Variants in FGGY observed in about 807,000 individuals in gnomAD.
The protein encoded by FGGY is FGGY carbohydrate kinase domain containing.
A neutral mutation model predicts 71.3 loss-of-function variants in FGGY; 72 were observed. The observed-to-expected ratio is 1.01, with a 90% CI of 0.84 to 1.23. FGGY has a LOEUF of 1.23. Ranked by LOEUF, FGGY falls within the 50% of genes most tolerant of loss-of-function variation. FGGY has a pLI of 0.00. For synonymous variants in FGGY, 251 were observed against 250.3 expected (o/e 1.00, Z -0.02); for missense variants, 668 against 682.3 (o/e 0.98, Z 0.23).
chr1:59,366,518 A>G (rs141665615), intron 4 of FGGY, among the ~76,000 whole-genome samples: 124 of 152,296 alleles, frequency 8.1e-4, no homozygotes, highest in African/African-American at 2.9e-3. Flanking sequence ...AGGCAGATAT[A>G]TGGCCACACA....
chr1:59,701,234 T>G (rs947192644), intron 14 of FGGY, among the ~76,000 whole-genome samples: 3 of 152,152 alleles, frequency 2.0e-5, no homozygotes, highest in African/African-American at 7.2e-5. Flanking sequence ...TCAGTTAAGA[T>G]GAACATAAGG....
rs77259554 is a variant in FGGY, at chr1:59,405,777, T to A, written c.554+26940T>A. ...CTTGGTTGGTTGGCTAGAGGAGTGGTAGAAATTTGGTGTGGGAAACACTTT... is the reference window on the plus strand; with the variant it reads ...CTTGGTTGGTTGGCTAGAGGAGTGGAAGAAATTTGGTGTGGGAAACACTTT... On this transcript the variant is annotated intron_variant, in intron 5 of 15. Transcript: ENST00000303721. Among the ~76,000 whole-genome samples, 289 of 152,170 alleles carry A rather than the reference T, an allele frequency of 1.9e-3. 5 individuals are homozygous for A. The East Asian group carries it at 0.053, about 28-fold the overall frequency.
At chr1:59,437,701 A>G (rs1572144484) in intron 5 of FGGY, among the ~76,000 whole-genome samples, 1 of 152,228 alleles carries the variant, frequency 6.6e-6, no homozygotes, top group African/African-American at 2.4e-5. Flanking sequence ...AAGGGGATAT[A>G]TATTTAACTT....
intron 9 of FGGY, among the ~76,000 whole-genome samples, chr1:59,622,349 T>C (rs779447451): frequency 1.3e-5 from 2 of 152,118 alleles, no homozygotes; most frequent in Non-Finnish European, 2.9e-5. Context: ...TTCCTGTTCC[T>C]CAATATGTAT....
At chr1:59,732,235 A>C (rs1297121596) in intron 14 of FGGY, among the ~76,000 whole-genome samples, 1 of 152,070 alleles carries the variant, frequency 6.6e-6, no homozygotes, top group Non-Finnish European at 1.5e-5. Context: ...AGCTCTTTAA[A>C]TTCTCTCCCC....
At chr1:59,641,064 A>G (rs377763847) in intron 11 of FGGY, among the ~76,000 whole-genome samples, 1 of 150,808 alleles carries the variant, frequency 6.6e-6, no homozygotes, top group East Asian at 1.9e-4. Context: ...GCGGTCAGGA[A>G]AGCTCCAGAC....
intron 1 of FGGY, among the ~76,000 whole-genome samples, chr1:59,304,008 G>A (rs1189988766): frequency 6.6e-6 from 1 of 151,948 alleles, no homozygotes; most frequent in Non-Finnish European, 1.5e-5. Flanking sequence ...TGGGATATAT[G>A]ATTTGTAAAT....
chr1:59,690,924 G>C (rs968195220), intron 14 of FGGY, among the ~76,000 whole-genome samples: 13 of 152,332 alleles, frequency 8.5e-5, no homozygotes, highest in South Asian at 2.1e-4. Context: ...ATTTTTCAAA[G>C]ACTGACTCCC....
chr1:59,477,703 T>C (rs550827219), intron 6 of FGGY, among the ~76,000 whole-genome samples: 9 of 152,260 alleles, frequency 5.9e-5, no homozygotes, highest in African/African-American at 1.9e-4. Context: ...ACTGTAATTT[T>C]CCCCCCACTG....
intron 6 of FGGY, among the ~76,000 whole-genome samples, chr1:59,486,988 A>T (rs1238752747): frequency 1.3e-5 from 2 of 152,212 alleles, no homozygotes; most frequent in African/African-American, 2.4e-5. Context: ...TCTAGGTTAC[A>T]TGTAGCCAAG....
At chr1:59,549,691 T>C (rs552857845) in intron 7 of FGGY, among the ~76,000 whole-genome samples, 6 of 152,368 alleles carry the variant, frequency 3.9e-5, no homozygotes, top group African/African-American at 1.4e-4. Flanking sequence ...TTTTCTTCTA[T>C]ATAACCTTGT....
intron 7 of FGGY, among the ~76,000 whole-genome samples, chr1:59,526,385 T>C (rs997997264): frequency 2.6e-5 from 4 of 152,192 alleles, no homozygotes; most frequent in Non-Finnish European, 5.9e-5. Context: ...TCAGCAAATA[T>C]ATGTTGAGCA....
chr1:59,391,748 A>G (rs1463479248), intron 5 of FGGY, among the ~76,000 whole-genome samples: 2 of 152,220 alleles, frequency 1.3e-5, no homozygotes, highest in Non-Finnish European at 2.9e-5. Context: ...GATCTCTAGC[A>G]TGACTGTCAT....
intron 4 of FGGY, among the ~76,000 whole-genome samples, chr1:59,374,659 G>A (rs1312086279): frequency 6.6e-6 from 1 of 152,014 alleles, no homozygotes; most frequent in African/African-American, 2.4e-5. Context: ...CAACCCAAAT[G>A]TCCAACAATG....
Position 59,317,562 on chromosome 1 carries a change from C to T in FGGY, c.-14-3974C>T, listed in dbSNP as rs142930987. Among the ~76,000 whole-genome samples the T allele has an allele frequency of 1.6e-3, 240 of 152,242 alleles. 1 individual carries two copies. Among genetic ancestry groups the T allele is most frequent in the African/African-American group, 5.4e-3 (225 of 41,540 alleles). ...GTTGCATAAGATTAGGAGTCTAGGA[C>T]GCAGCAGATCATATTCATGACCCAG... On this transcript the variant is annotated intron_variant, in intron 1 of 15. Transcript: ENST00000303721.
At chr1:59,481,166 G>T (rs1558074593) in intron 6 of FGGY, among the ~76,000 whole-genome samples, 1 of 152,180 alleles carries the variant, frequency 6.6e-6, no homozygotes, top group African/African-American at 2.4e-5. Flanking sequence ...TCAGGGAACT[G>T]TTAAAACATT....
chr1:59,395,678 T>TGG (rs1408370991), intron 5 of FGGY, among the ~76,000 whole-genome samples: 1 of 152,194 alleles, frequency 6.6e-6, no homozygotes, highest in Admixed American at 6.5e-5. Context: ...TTTAGATACA[T>TGG]TAACCCCTTC....
intron 8 of FGGY, among the ~76,000 whole-genome samples, chr1:59,574,729 A>T (rs1290093223): frequency 6.6e-6 from 1 of 152,164 alleles, no homozygotes; most frequent in Admixed American, 6.5e-5. Context: ...TGAATTTTCT[A>T]TTATATTTCC....
At chr1:59,655,236 G>C (rs2097207331) in intron 11 of FGGY, among the ~76,000 whole-genome samples, 1 of 152,184 alleles carries the variant, frequency 6.6e-6, no homozygotes, top group Non-Finnish European at 1.5e-5. Flanking sequence ...CTTATTAAGA[G>C]AAACGGAAAG....
Sources: allele counts gnomAD v4.1 joint callset (sites outside exome capture counted in the v4.1 genomes callset), GRCh38; gene constraint gnomAD v4.1.1; transcripts MANE v1.5; gene names NCBI Gene and HGNC (gene_info 2026-07-23, HGNC 2026-07-21).